CSGALNACT1: variants seen among roughly 807,000 people sequenced by gnomAD.
CSGALNACT1 encodes the protein chondroitin sulfate N-acetylgalactosaminyltransferase 1, also known as beta4GalNAcT-1.
A neutral mutation model predicts 51.0 loss-of-function variants in CSGALNACT1; 52 were observed. That is an observed-to-expected ratio of 1.02 (90% confidence interval 0.82 to 1.29). The LOEUF is 1.29. Among genes scored for constraint, CSGALNACT1 ranks in the 50% most tolerant of loss-of-function variants. The pLI is 0.00. For synonymous variants in CSGALNACT1, 341 were observed against 254.4 expected (o/e 1.34, Z -3.24); for missense variants, 935 against 679.2 (o/e 1.38, Z -4.19).
intron 3 of CSGALNACT1, among the ~76,000 whole-genome samples, chr8:19,518,634 C>T (rs4922052): frequency 0.8 from 121,808 of 152,128 alleles, 48,911 homozygotes; most frequent in South Asian, 0.89. Flanking sequence ...TTTCTCTTTT[C>T]CTCTTCTGCC....
At chr8:19,691,768 AG>A (rs1215463835) in intron 1 of CSGALNACT1, among the ~76,000 whole-genome samples, 1 of 152,166 alleles carries the variant, frequency 6.6e-6, no homozygotes, top group Non-Finnish European at 1.5e-5. Context: ...GAACACTGTA[AG>A]AGCCACACAC....
At chr8:19,689,631 G>T (rs994357572) in intron 1 of CSGALNACT1, among the ~76,000 whole-genome samples, 22 of 152,162 alleles carry the variant, frequency 1.4e-4, no homozygotes, top group Non-Finnish European at 3.1e-4. Flanking sequence ...AAACTATTAA[G>T]ATTTATAGGA....
chr8:19,409,021 G>A (rs1055989390), intron 8 of CSGALNACT1, among the ~76,000 whole-genome samples: 7 of 150,620 alleles, frequency 4.6e-5, no homozygotes, highest in African/African-American at 1.7e-4. Context: ...GAGCAGTGCC[G>A]TGGAAAAGCC....
intron 2 of CSGALNACT1, among the ~76,000 whole-genome samples, chr8:19,597,271 C>CCT (rs1265942356): frequency 7.0e-6 from 1 of 142,084 alleles, no homozygotes; most frequent in Non-Finnish European, 1.5e-5. Context: ...GTTGGGGCTG[C>CCT]CTCTATCTTC....
intron 3 of CSGALNACT1, among the ~76,000 whole-genome samples, chr8:19,546,768 C>G (rs929439154): frequency 6.6e-6 from 1 of 152,078 alleles, no homozygotes; most frequent in Non-Finnish European, 1.5e-5. Flanking sequence ...CAGATGAAAC[C>G]TAAAAAGCAA....
At chr8:19,726,187 T>C (rs1319904653) in intron 1 of CSGALNACT1, among the ~76,000 whole-genome samples, 1 of 152,190 alleles carries the variant, frequency 6.6e-6, no homozygotes, top group African/African-American at 2.4e-5. Flanking sequence ...GATAAAAAAG[T>C]TATTGTAAAT....
chr8:19,535,395 G>A (rs1219588374), intron 3 of CSGALNACT1, among the ~76,000 whole-genome samples: 2 of 152,102 alleles, frequency 1.3e-5, no homozygotes, highest in Admixed American at 6.6e-5. Context: ...AAAGAGCAGT[G>A]AAAAATTAGT....
At chr8:19,670,098 T>G (rs1283257469) in intron 1 of CSGALNACT1, among the ~76,000 whole-genome samples, 1 of 152,250 alleles carries the variant, frequency 6.6e-6, no homozygotes, top group African/African-American at 2.4e-5. Context: ...CCTGCACATT[T>G]GCCTGTCCCC....
chr8:19,424,934 C>A (rs538029590), intron 6 of CSGALNACT1, among the ~76,000 whole-genome samples: 1 of 152,200 alleles, frequency 6.6e-6, no homozygotes, highest in African/African-American at 2.4e-5. Flanking sequence ...TGCTTCCCCC[C>A]TTCCAAGTAA....
At chr8:19,405,175 G>A (rs1247980619) in exon 10 of CSGALNACT1, 7 of 447,208 alleles carry the variant, frequency 1.6e-5, no homozygotes, top group Non-Finnish European at 2.7e-5. Flanking sequence ...AGAAAAAAAC[G>A]GAGACAGTTA....
intron 1 of CSGALNACT1, among the ~76,000 whole-genome samples, chr8:19,743,239 C>T (rs944436923): frequency 4.6e-5 from 7 of 152,148 alleles, no homozygotes; most frequent in African/African-American, 9.7e-5. Context: ...GATAACCATA[C>T]ATTACATGAA....
intron 6 of CSGALNACT1, among the ~76,000 whole-genome samples, chr8:19,423,818 A>T (rs912176197): frequency 6.6e-6 from 1 of 152,224 alleles, no homozygotes; most frequent in East Asian, 1.9e-4. Context: ...AAGACAATGC[A>T]TGTTATATCC....
chr8:19,438,044 T>A (rs1270427493), intron 6 of CSGALNACT1, among the ~76,000 whole-genome samples: 1 of 152,184 alleles, frequency 6.6e-6, no homozygotes, highest in Non-Finnish European at 1.5e-5. Context: ...TGGGACTCAT[T>A]TAAATGTGGT....
intron 1 of CSGALNACT1, among the ~76,000 whole-genome samples, chr8:19,680,320 C>T (rs921116135): frequency 6.6e-6 from 1 of 152,160 alleles, no homozygotes; most frequent in African/African-American, 2.4e-5. Context: ...CTTTGGGAGG[C>T]CAAGGCAGGT....
At chr8:19,424,159 G>A (rs919523335) in intron 6 of CSGALNACT1, among the ~76,000 whole-genome samples, 1 of 152,148 alleles carries the variant, frequency 6.6e-6, no homozygotes, top group Non-Finnish European at 1.5e-5. Flanking sequence ...TGATGAGAGA[G>A]CTGAACATGA....
At chr8:19,647,833 C>T (rs569063354) in intron 1 of CSGALNACT1, among the ~76,000 whole-genome samples, 32 of 152,312 alleles carry the variant, frequency 2.1e-4, no homozygotes, top group African/African-American at 7.7e-4. Context: ...CTTTCACCTA[C>T]ATCCAAAACA....
At chr8:19,505,506 C>A (rs544441921) in exon 4 of CSGALNACT1, 1 of 1,614,090 alleles carries the variant, frequency 6.2e-7, no homozygotes, top group East Asian at 2.2e-5. Context: ...TGGGGGGCTC[C>A]TGTCCAGACC....
rs745624023 is a variant in CSGALNACT1, at chr8:19,505,657, C to A, written c.178G>T (p.Val60Phe). The change falls in exon 4 of 10, where the codon GTC (valine) becomes TTC (phenylalanine). Residue 60 changes from valine to phenylalanine, a missense_variant. Physicochemically the swap from Val to Phe is conservative, Grantham distance 50 (BLOSUM62 -1). Coordinates refer to ENST00000454498, the Ensembl canonical transcript of CSGALNACT1. ...TGCTGCTCCTCCCACTCCTGAAGGA[C>A]GGCCTGGTACCCCTCCTTCCCCGTG... 3 of 1,614,190 alleles carry A rather than the reference C, an allele frequency of 1.9e-6. No homozygotes were observed. In the East Asian group the frequency reaches 6.7e-5, roughly 36 times the overall value.
chr8:19,449,853 T>G (rs1345498467), intron 5 of CSGALNACT1, among the ~76,000 whole-genome samples: 2 of 151,774 alleles, frequency 1.3e-5, no homozygotes, highest in Non-Finnish European at 2.9e-5. Flanking sequence ...CCATAAAAAT[T>G]CTGCCTTTTT....
Sources: allele counts gnomAD v4.1 joint callset (sites outside exome capture counted in the v4.1 genomes callset), GRCh38; gene constraint gnomAD v4.1.1; transcripts MANE v1.5; gene names NCBI Gene and HGNC (gene_info 2026-07-23, HGNC 2026-07-21).